Variants in BCAM observed in about 807,000 individuals in gnomAD.
The protein encoded by BCAM is basal cell adhesion molecule.
BCAM carries 61 observed loss-of-function variants against 72.4 expected under a neutral mutation model. The observed-to-expected ratio is 0.84, with a 90% CI of 0.69 to 1.04. The LOEUF is 1.04. Among genes scored for constraint, BCAM ranks in the 50% least tolerant of loss-of-function variants. The probability of loss-of-function intolerance (pLI) is 0.00; values close to 1 mark genes in which losing one functional copy is unlikely to be tolerated. For synonymous variants in BCAM, 408 were observed against 384.2 expected (o/e 1.06, Z -0.73); for missense variants, 909 against 895.0 (o/e 1.02, Z -0.20).
At chr19:44,817,856 G>A (rs1968523279) in intron 8 of BCAM, among the ~76,000 whole-genome samples, 1 of 152,154 alleles carries the variant, frequency 6.6e-6, no homozygotes, top group Non-Finnish European at 1.5e-5. Context: ...ACCAGTGGAT[G>A]TTTTAAAGAG....
intron 1 of BCAM, 49 bp from the exon 2 acceptor site, chr19:44,811,176 G>A (rs758494115): frequency 1.2e-6 from 2 of 1,609,736 alleles, no homozygotes; most frequent in East Asian, 2.2e-5. Flanking sequence ...CTGTCTGGAG[G>A]GCTCTTCCTG....
chr19:44,820,997 C>T lies in BCAM; in HGVS notation c.*76C>T, dbSNP rs547883182. Reference sequence around the variant, plus strand: ...AGAACCAGCCCTGCTCACGCCATGCCCGCCCCCGCCTTCCCTCTTCCCTCT... The same window carrying T: ...AGAACCAGCCCTGCTCACGCCATGCTCGCCCCCGCCTTCCCTCTTCCCTCT... On this transcript the variant is annotated 3_prime_UTR_variant, in exon 15 of 15. Coordinates refer to ENST00000270233, the MANE Select transcript of BCAM (RefSeq NM_005581.5). 8 of 1,448,546 alleles carry T rather than the reference C, an allele frequency of 5.5e-6. No homozygotes were observed. The South Asian group carries it at 7.2e-5, about 13-fold the overall frequency. 89.7% of individuals were successfully genotyped at this position (1,448,546 alleles called of 1,614,324 possible).
In BCAM at chr19:44,814,726, G is replaced by A. The variant is rs374759522; in HGVS notation, c.1044G>A (p.Val348=). 2.1e-5 allele frequency: 34 copies of A among 1,613,560 alleles called. No homozygotes were observed. The highest frequency in any genetic ancestry group is 2.9e-5 in the Non-Finnish European group (34 of 1,179,996). The stretch of plus-strand genomic sequence containing the variant: ...AGGATTACGACGCGGCAGATGACGT[G>A]CAGCTCTCCAAGACGCTGGAGCTGC... The part of the protein sequence containing the change: ...RVEDYDAADD[V]QLSKTLELRV... Residue 348 remains valine (V), a synonymous_variant, in exon 8 of 15, where the codon GTG becomes GTA. Transcript: ENST00000270233. The surrounding 1 kb of genome is among the most constrained non-coding windows in gnomAD (Gnocchi z 4.6).
rs550392791 is a variant in BCAM, at chr19:44,812,166, G to A, written c.208G>A (p.Asp70Asn). ...DHYMLEWFLT[D>N]RSGARPRLAS... ...AGAGCCTGCCCCGCGCCCACAGACC[G>A]ACCGCTCGGGAGCTCGCCCCCGCCT... Residue 70 changes from aspartate to asparagine, a missense_variant, in exon 3 of 15, where the codon GAC becomes AAC. By Grantham distance (23) the Asp-to-Asn change is conservative (BLOSUM62 1). Coordinates refer to ENST00000270233, the MANE Select transcript of BCAM (RefSeq NM_005581.5). The surrounding 1 kb of genome is among the most constrained non-coding windows in gnomAD (Gnocchi z 5.3). The A allele has an allele frequency of 1.2e-5, 19 of 1,599,142 alleles. No homozygotes were observed. The African/African-American group carries it at 1.7e-4, about 15-fold the overall frequency.
chr19:44,819,924 TCATCCTCATCCCC>T (rs1968561745), intron 13 of BCAM, 198 bp downstream of exon 13: 3 of 302,150 alleles, frequency 9.9e-6, no homozygotes, highest in Non-Finnish European at 1.3e-5. Flanking sequence ...CATCCCCAAC[TCATCCTCATCCCC>T]AACTGCAGCC....
chr19:44,813,300 G>A lies in BCAM; in HGVS notation c.555G>A (p.Trp185Ter), dbSNP rs758408304. 6.2e-7 allele frequency: 1 copy of A among 1,614,120 alleles called. No individual in the cohort carries two copies. The highest frequency in any genetic ancestry group is 1.7e-5 in the Admixed American group (1 of 60,020). ...GGAACCCGGCCCCCAAGATCACGTG[G>A]TATCGCAACGGGCAGCGCCTGGAGG... The part of the protein sequence containing the change: ...RNGNPAPKIT[W>*]YRNGQRLEVP... The change falls in exon 5 of 15, where the codon TGG becomes TGA. Residue 185 changes from tryptophan to a stop codon, truncating the protein, a stop_gained. Coordinates refer to ENST00000270233, the MANE Select transcript of BCAM (RefSeq NM_005581.5). LOFTEE classifies it high-confidence loss of function. The surrounding 1 kb of genome is among the most constrained non-coding windows in gnomAD (Gnocchi z 4.2).
rs1968482473 is a variant in BCAM at position 44,814,828 on chromosome 19, T to C, written c.1078+68T>C. Reference sequence around the variant, plus strand: ...ATCAGTGCCTCTGCGCCCTCCTCCCTACAGCCCTGAAGTTGCTCTGTCATC... The same window carrying C: ...ATCAGTGCCTCTGCGCCCTCCTCCCCACAGCCCTGAAGTTGCTCTGTCATC... On this transcript the variant is annotated intron_variant, in intron 8 of 14. Coordinates refer to ENST00000270233, the MANE Select transcript of BCAM (RefSeq NM_005581.5). This position sits in a 1 kb window ranked among gnomAD's most constrained non-coding sequence, Gnocchi z 4.6. 2.0e-6 allele frequency: 3 copies of C among 1,502,372 alleles called. No homozygotes were observed. The highest frequency in any genetic ancestry group is 2.7e-6 in the Non-Finnish European group (3 of 1,122,190). 93.1% of individuals were successfully genotyped at this position (1,502,372 alleles called of 1,614,324 possible).
Position 44,813,750 on chromosome 19 carries a change from T to C in BCAM, c.784+130T>C. Reference sequence around the variant, plus strand: ...TACTTCATGCTAAAAAAAAATGTGCTAGTGCTGGCCACTGACCTCTGACCT... The same window carrying C: ...TACTTCATGCTAAAAAAAAATGTGCCAGTGCTGGCCACTGACCTCTGACCT... On this transcript the variant is annotated intron_variant, in intron 6 of 14. Transcript: ENST00000270233. This position sits in a 1 kb window ranked among gnomAD's most constrained non-coding sequence, Gnocchi z 4.2. The C allele has an allele frequency of 7.7e-7, 1 of 1,306,432 alleles. No individual in the cohort carries two copies. Among genetic ancestry groups the C allele is most frequent in the Non-Finnish European group, 1.0e-6 (1 of 970,006 alleles). The allele number at this position is 1,306,432 out of a possible 1,614,324, so 80.9% of individuals were successfully genotyped here. A position where few individuals can be genotyped will look rare whatever the true frequency, so the allele number is the denominator to read the frequency against.
rs1167525252 is a variant in BCAM, at chr19:44,814,962, G to C, written c.1078+202G>C. Among the ~76,000 whole-genome samples the C allele has an allele frequency of 7.5e-5, 11 of 146,744 alleles. No individual in the cohort carries two copies. The highest frequency in any genetic ancestry group is 6.0e-5 in the Non-Finnish European group (4 of 67,160). ...AGGACCTGGCTACGTTGCCCAGGCTGGTCTCGAACTCCTCATGCGATCCTC... is the reference window on the plus strand; with the variant it reads ...AGGACCTGGCTACGTTGCCCAGGCTCGTCTCGAACTCCTCATGCGATCCTC... On this transcript the variant is annotated intron_variant, in intron 8 of 14. Coordinates refer to ENST00000270233, the MANE Select transcript of BCAM (RefSeq NM_005581.5). The surrounding 1 kb of genome is among the most constrained non-coding windows in gnomAD (Gnocchi z 4.6).
At chr19:44,820,652 CT>C (rs1243267467) in intron 13 of BCAM, 52 bp from the exon 14 acceptor site, 1 of 1,378,968 alleles carries the variant, frequency 7.3e-7, no homozygotes, top group African/African-American at 1.5e-5. Context: ...GTTCCTCCCC[CT>C]GCCGTGTGCA....
At position 44,818,433 on chromosome 19, in the gene BCAM, T is replaced by C. The variant is rs886578323; in HGVS notation, c.1079-89T>C. On this transcript the variant is annotated intron_variant, in intron 8 of 14. Transcript: ENST00000270233. The surrounding 1 kb of genome is among the most constrained non-coding windows in gnomAD (Gnocchi z 4.6). The stretch of plus-strand genomic sequence containing the variant: ...GCTGTTCTCTGCTTCCAACTGTCCA[T>C]TCATGTTTGCACCCCCGACCGCCCC... 1.3e-5 allele frequency: 12 copies of C among 932,714 alleles called. No homozygotes were observed. Among genetic ancestry groups the C allele is most frequent in the Non-Finnish European group, 2.0e-5 (12 of 595,248 alleles). The allele number at this position is 932,714 out of a possible 1,614,324, so 57.8% of individuals were successfully genotyped here.
chr19:44,812,297 T>C lies in BCAM; in HGVS notation c.339T>C (p.Ala113=), dbSNP rs1185397999. The C allele has an allele frequency of 6.2e-7, 1 of 1,611,984 alleles. No homozygotes were observed. The highest frequency in any genetic ancestry group is 1.1e-5 in the South Asian group (1 of 90,990). The change falls in exon 3 of 15, where the codon GCT becomes GCC. Residue 113 remains alanine (A), a synonymous_variant. Transcript: ENST00000270233. This position sits in a 1 kb window ranked among gnomAD's most constrained non-coding sequence, Gnocchi z 5.3. ...ACTCCCAGGGGCGCCTGGTGCTGGC[T>C]GAGGCCCAGGTGGGCGACGAGCGAG... ...QLDSQGRLVL[A]EAQVGDERDY... is the part of the protein sequence containing the mutation.
In BCAM at chr19:44,819,424, G is replaced by A. The variant is rs143379896; in HGVS notation, c.1552G>A (p.Asp518Asn). ...GAAAGTGACCAGCGCCCTGAGCCGC[G>A]ATGGCATCTCCTGTGAAGCCTCCAA... The part of the protein sequence containing the change: ...TLKVTSALSR[D>N]GISCEASNPH... The change falls in exon 12 of 15, where the codon GAT (aspartate) becomes AAT (asparagine). Residue 518 changes from aspartate to asparagine, a missense_variant. By Grantham distance (23) the Asp-to-Asn change is conservative (BLOSUM62 1). Coordinates refer to ENST00000270233, the MANE Select transcript of BCAM (RefSeq NM_005581.5). 220 of 1,613,946 alleles carry A rather than the reference G, an allele frequency of 1.4e-4. No homozygotes were observed. The highest frequency in any genetic ancestry group is 6.6e-4 in the Middle Eastern group (4 of 6,080).
intron 8 of BCAM, among the ~76,000 whole-genome samples, chr19:44,817,178 A>C (rs994001999): frequency 3.3e-5 from 5 of 152,162 alleles, no homozygotes; most frequent in Non-Finnish European, 5.9e-5. Flanking sequence ...CAGAGCTTGC[A>C]GTGAGCTGAG....
At position 44,813,325 on chromosome 19, in the gene BCAM, G is replaced by A; in HGVS notation, c.580G>A (p.Val194Met). Residue 194 changes from valine to methionine, a missense_variant, in exon 5 of 15, where the codon GTG becomes ATG. Coordinates refer to ENST00000270233, the MANE Select transcript of BCAM (RefSeq NM_005581.5). This position sits in a 1 kb window ranked among gnomAD's most constrained non-coding sequence, Gnocchi z 4.2. ...GTATCGCAACGGGCAGCGCCTGGAG[G>A]TGCCCGTAGAGATGAACCCAGGTGA... Reference protein sequence around the residue: ...TWYRNGQRLEVPVEMNPEGYM... With the variant: ...TWYRNGQRLEMPVEMNPEGYM... 1.2e-6 allele frequency: 2 copies of A among 1,613,992 alleles called. No individual in the cohort carries two copies. Among genetic ancestry groups the A allele is most frequent in the Non-Finnish European group, 1.7e-6 (2 of 1,179,968 alleles).
intron 8 of BCAM, among the ~76,000 whole-genome samples, chr19:44,817,840 G>A (rs1302617371): frequency 3.3e-5 from 5 of 152,134 alleles, no homozygotes; most frequent in Admixed American, 6.6e-5. Context: ...CACCGTGCCC[G>A]GCCTGACCAG....
chr19:44,811,905 T>C lies in BCAM; in HGVS notation c.205-258T>C, dbSNP rs755190616. On this transcript the variant is annotated intron_variant, in intron 2 of 14. Coordinates refer to ENST00000270233, the MANE Select transcript of BCAM (RefSeq NM_005581.5). Reference sequence around the variant, plus strand: ...TCTCAAAAAAAAAGAGGAAAGAAAATGAGAGACAATCGGGAGAGGGAGAGA... The same window carrying C: ...TCTCAAAAAAAAAGAGGAAAGAAAACGAGAGACAATCGGGAGAGGGAGAGA... The C allele has an allele frequency of 3.7e-4, 197 of 526,234 alleles. 1 individual carries two copies. The highest frequency in any genetic ancestry group is 7.9e-4 in the South Asian group (30 of 38,004). 32.6% of individuals were successfully genotyped at this position (526,234 alleles called of 1,614,324 possible). A position where few individuals can be genotyped will look rare whatever the true frequency, so the allele number is the denominator to read the frequency against.
chr19:44,812,244 C>G lies in BCAM; in HGVS notation c.286C>G (p.Arg96Gly). The G allele has an allele frequency of 6.2e-7, 1 of 1,608,444 alleles. No individual in the cohort carries two copies. Among genetic ancestry groups the G allele is most frequent in the Middle Eastern group, 1.7e-4 (1 of 6,024 alleles). Residue 96 changes from arginine (R) to glycine (G), a missense_variant, in exon 3 of 15, where the codon CGG (arginine) becomes GGG (glycine). Transcript: ENST00000270233. The surrounding 1 kb of genome is among the most constrained non-coding windows in gnomAD (Gnocchi z 5.3). ...SELQVTMHDT[R>G]GRSPPYQLDS... ...GCTCCAGGTCACAATGCACGACACCCGGGGCCGCAGTCCCCCATACCAGCT... is the reference window on the plus strand; with the variant it reads ...GCTCCAGGTCACAATGCACGACACCGGGGGCCGCAGTCCCCCATACCAGCT...
rs1968449286 is a variant in BCAM at position 44,813,134 on chromosome 19, A to G, written c.505-116A>G. 8.6e-7 allele frequency: 1 copy of G among 1,167,538 alleles called. No homozygotes were observed. Among genetic ancestry groups the G allele is most frequent in the South Asian group, 1.5e-5 (1 of 68,814 alleles). 72.3% of individuals were successfully genotyped at this position (1,167,538 alleles called of 1,614,324 possible). On this transcript the variant is annotated intron_variant, in intron 4 of 14. Transcript: ENST00000270233. The surrounding 1 kb of genome is among the most constrained non-coding windows in gnomAD (Gnocchi z 4.2). The stretch of plus-strand genomic sequence containing the variant: ...GGAATTTGGACTCCTGGGTCCTGGG[A>G]GAGTCGGGAGTTAGGAGCCCGGCTC...
Sources: gnomAD v4.1 joint callset for allele counts (sites outside exome capture counted in the v4.1 genomes callset) on GRCh38, gnomAD v4.1.1 for gene constraint, Gnocchi (gnomAD v3.1) non-coding constraint, MANE v1.5 for transcripts, NCBI Gene and HGNC (gene_info 2026-07-23, HGNC 2026-07-21) for gene names.